The following P2RY14 variants were observed in gnomAD, a reference collection of about 807,000 sequenced individuals.
P2RY14 encodes the protein purinergic receptor P2Y14.
P2RY14 carries 2 observed loss-of-function variants against 0.9 expected under a neutral mutation model. That is an observed-to-expected ratio of 2.16 (90% CI 0.88 to 6.79). The LOEUF (loss-of-function observed/expected upper bound fraction) is 6.79. Among genes scored for constraint, P2RY14 ranks in the 30% most tolerant of loss-of-function variants. P2RY14 has a pLI of 0.05. For missense variants in P2RY14, 378 were observed against 400.1 expected, an observed-to-expected ratio of 0.94 and a Z score of 0.47; for synonymous variants, 158 against 147.2, an observed-to-expected ratio of 1.07 and a Z score of -0.53.
intron 1 of P2RY14, among the ~76,000 whole-genome samples, chr3:151,230,826 A>G (rs1731524855): frequency 1.3e-5 from 2 of 152,206 alleles, no homozygotes; most frequent in Non-Finnish European, 2.9e-5. Flanking sequence ...CCAATGCAGA[A>G]GTAGTGACTT....
intron 2 of P2RY14, among the ~76,000 whole-genome samples, chr3:151,215,477 T>C (rs1032229772): frequency 1.3e-5 from 2 of 152,238 alleles, no homozygotes; most frequent in Admixed American, 6.5e-5. Context: ...AATTTTACTT[T>C]TTAAGACTCT....
intron 1 of P2RY14, among the ~76,000 whole-genome samples, chr3:151,270,421 T>C (rs1324286310): frequency 6.6e-6 from 1 of 152,162 alleles, no homozygotes; most frequent in Non-Finnish European, 1.5e-5. Flanking sequence ...ATGGATTTAA[T>C]ACCACTGAAC....
intron 1 of P2RY14, among the ~76,000 whole-genome samples, chr3:151,271,096 T>C (rs920918327): frequency 2.6e-5 from 4 of 151,946 alleles, no homozygotes; most frequent in Non-Finnish European, 4.4e-5. Context: ...AAGCCATAGA[T>C]TGGGGAGTAA....
At chr3:151,251,384 T>G (rs1384393009) in intron 1 of P2RY14, among the ~76,000 whole-genome samples, 1 of 149,792 alleles carries the variant, frequency 6.7e-6, no homozygotes, top group Non-Finnish European at 1.5e-5. Flanking sequence ...GCCTGGTGAT[T>G]TTTTTTTTTA....
chr3:151,253,999 G>GTTT (rs11453294), intron 1 of P2RY14, among the ~76,000 whole-genome samples: 9 of 136,920 alleles, frequency 6.6e-5, no homozygotes, highest in African/African-American at 8.1e-5. Context: ...ATTTTTTCTT[G>GTTT]TTTTTTTTTT....
intron 1 of P2RY14, chr3:151,241,741 G>T (rs1184485488): frequency 6.6e-6 from 1 of 151,790 alleles, no homozygotes; most frequent in Admixed American, 6.6e-5. Context: ...TGGAATACTG[G>T]CAAGAAAGTT....
In P2RY14 at chr3:151,271,832, A is replaced by G. The variant is rs560006007; in HGVS notation, c.-133+6455T>C. Among the ~76,000 whole-genome samples, 4 of 152,346 alleles carry G rather than the reference A, an allele frequency of 2.6e-5. No individual in the cohort carries two copies. The East Asian group carries it at 5.8e-4, about 22-fold the overall frequency. Reference sequence around the variant, plus strand: ...TCTAATACTGGTAGAACTAAGCTCTAATGAGAGAAATTAGGAATGTAGATG... The same window carrying G: ...TCTAATACTGGTAGAACTAAGCTCTGATGAGAGAAATTAGGAATGTAGATG... On this transcript the variant is annotated intron_variant, in intron 1 of 2. Transcript: ENST00000309170.
chr3:151,255,839 G>A (rs1463066716), intron 1 of P2RY14, among the ~76,000 whole-genome samples: 3 of 152,180 alleles, frequency 2.0e-5, no homozygotes, highest in African/African-American at 7.2e-5. Flanking sequence ...TATAAACCAG[G>A]AGACCTCAGG....
chr3:151,223,660 G>A (rs1229586941), intron 1 of P2RY14, among the ~76,000 whole-genome samples: 1 of 152,250 alleles, frequency 6.6e-6, no homozygotes, highest in South Asian at 2.1e-4. Flanking sequence ...CACAAAGATG[G>A]GAACAGTAGA....
chr3:151,240,126 A>T (rs372244508), intron 1 of P2RY14, among the ~76,000 whole-genome samples: 166 of 151,638 alleles, frequency 1.1e-3, no homozygotes, highest in African/African-American at 3.8e-3. Context: ...AACTGTCAGG[A>T]CCATTGTTCT....
At position 151,212,938 on chromosome 3, in the gene P2RY14, C is replaced by G. The variant is rs908459566; in HGVS notation, c.*362G>C. The G allele has an allele frequency of 1.2e-4, 19 of 153,752 alleles. No individual in the cohort carries two copies. The highest frequency in any genetic ancestry group is 4.4e-4 in the African/African-American group (18 of 41,156). 9.5% of individuals were successfully genotyped at this position (153,752 alleles called of 1,614,324 possible). ...TTCTGGTATTTAGAGAAAGAAGATGCCTGAGTGAGTTGTCTTTGATTATGT... is the reference window on the plus strand; with the variant it reads ...TTCTGGTATTTAGAGAAAGAAGATGGCTGAGTGAGTTGTCTTTGATTATGT... On this transcript the variant is annotated 3_prime_UTR_variant, in exon 3 of 3. Coordinates refer to ENST00000309170, the MANE Select transcript of P2RY14 (RefSeq NM_014879.4).
intron 1 of P2RY14, among the ~76,000 whole-genome samples, chr3:151,255,107 C>CA (rs1393253895): frequency 6.6e-6 from 1 of 152,052 alleles, no homozygotes; most frequent in African/African-American, 2.4e-5. Context: ...AAGATAGGAA[C>CA]TTTCGAGTCA....
chr3:151,213,975 G>A lies in P2RY14; in HGVS notation c.342C>T (p.Leu114=), dbSNP rs145635862. ...TTTTATAATATCTGTCAAAGCTGAT[G>A]AGCCCAAAGAACACAATGCTGACGT... is the stretch of plus-strand genomic sequence containing the variant. The part of the protein sequence containing the change: ...NMYVSIVFFG[L]ISFDRYYKIV... The change falls in exon 3 of 3, where the codon CTC becomes CTT. Residue 114 remains leucine, a synonymous_variant. Coordinates refer to ENST00000309170, the MANE Select transcript of P2RY14 (RefSeq NM_014879.4). 3.3e-4 allele frequency: 528 copies of A among 1,614,012 alleles called. 2 individuals carry two copies. In the African/African-American group the frequency reaches 6.1e-3, roughly 19 times the overall value.
At chr3:151,217,453 G>A (rs984253533) in intron 2 of P2RY14, among the ~76,000 whole-genome samples, 1 of 152,186 alleles carries the variant, frequency 6.6e-6, no homozygotes, top group South Asian at 2.1e-4. Context: ...ACTTTGAGTT[G>A]GATGGAAGGG....
At chr3:151,239,846 T>C (rs1733720108) in intron 1 of P2RY14, among the ~76,000 whole-genome samples, 1 of 152,166 alleles carries the variant, frequency 6.6e-6, no homozygotes, top group Admixed American at 6.5e-5. Flanking sequence ...TGTCTATAAA[T>C]ATCAAAAAAG....
At chr3:151,247,962 C>CTTTTTTTTTTTTTTTTTT (rs61102632) in intron 1 of P2RY14, among the ~76,000 whole-genome samples, 33 of 75,894 alleles carry the variant, frequency 4.3e-4, no homozygotes, top group Non-Finnish European at 5.2e-4. Context: ...TCTTCTTCTT[C>CTTTTTTTTTTTTTTTTTT]TTTTTTTTTT....
intron 1 of P2RY14, among the ~76,000 whole-genome samples, chr3:151,223,439 C>T (rs1413782486): frequency 1.3e-5 from 2 of 152,094 alleles, no homozygotes; most frequent in African/African-American, 4.8e-5. Context: ...TAGAATCAGC[C>T]TAGGTGCCTA....
At chr3:151,251,192 A>G (rs776192855) in intron 1 of P2RY14, among the ~76,000 whole-genome samples, 37 of 151,996 alleles carry the variant, frequency 2.4e-4, no homozygotes, top group Non-Finnish European at 2.4e-4. Context: ...CTCTGCCAGC[A>G]TCTCTCACCA....
intron 1 of P2RY14, among the ~76,000 whole-genome samples, 184 bp from the exon 2 acceptor site, chr3:151,219,826 C>T (rs1404649297): frequency 2.7e-5 from 4 of 150,722 alleles, no homozygotes. Flanking sequence ...TGGTTGCAGC[C>T]TCTTGTGGGA....
Sources: gnomAD v4.1 joint callset for allele counts (sites outside exome capture counted in the v4.1 genomes callset) on GRCh38, gnomAD v4.1.1 for gene constraint, MANE v1.5 for transcripts, NCBI Gene and HGNC (gene_info 2026-07-23, HGNC 2026-07-21) for gene names.